GRM7: variants seen among roughly 807,000 people sequenced by gnomAD.
GRM7 encodes the protein glutamate metabotropic receptor 7.
A neutral mutation model predicts 84.5 loss-of-function variants in GRM7; 35 were observed. The ratio of observed to expected loss-of-function variants is 0.41; its 90% CI spans 0.32 to 0.55. The LOEUF (loss-of-function observed/expected upper bound fraction) is 0.55, where lower values mean the gene tolerates loss of function less well. Among genes scored for constraint, GRM7 ranks in the 20% least tolerant of loss-of-function variants. The pLI is 0.19. For missense variants in GRM7, 1,003 were observed against 1,194.6 expected (o/e 0.84, Z 2.36); for synonymous variants, 487 against 455.1 (o/e 1.07, Z -0.89).
intron 7 of GRM7, among the ~76,000 whole-genome samples, chr3:7,474,795 TTTC>T (rs57425252): frequency 0.08 from 12,097 of 152,138 alleles, 1,578 homozygotes; most frequent in African/African-American, 0.27. Flanking sequence ...ATTGGGAATG[TTTC>T]GGGAAGATTT....
chr3:7,008,907 AT>A (rs1241218309), intron 1 of GRM7, among the ~76,000 whole-genome samples: 1 of 151,902 alleles, frequency 6.6e-6, no homozygotes, highest in Non-Finnish European at 1.5e-5. Flanking sequence ...CTGTCAAACT[AT>A]TTTTTTTAAT....
rs374096666 is a variant in GRM7 at position 7,311,642 on chromosome 3, G to A, written c.1033+4990G>A. Among the ~76,000 whole-genome samples the A allele has an allele frequency of 1.7e-4, 25 of 147,120 alleles. No homozygotes were observed. The South Asian group carries it at 5.3e-3, about 31-fold the overall frequency. On this transcript the variant is annotated intron_variant, in intron 4 of 9. Coordinates refer to ENST00000357716, the MANE Select transcript of GRM7 (RefSeq NM_000844.4). ...GGAGTCTCGCTTTGTCACCCAAGCT[G>A]GAATGCAGTGGCGCAGTCTTGGCTT...
intron 2 of GRM7, among the ~76,000 whole-genome samples, chr3:7,177,363 T>C (rs1695187324): frequency 6.6e-6 from 1 of 152,226 alleles, no homozygotes; most frequent in Non-Finnish European, 1.5e-5. Context: ...TAACATGAGC[T>C]CTTTGAGGAA....
intron 9 of GRM7, among the ~76,000 whole-genome samples, chr3:7,730,592 GGAAT>G (rs1236908311): frequency 3.3e-5 from 5 of 152,298 alleles, no homozygotes; most frequent in African/African-American, 1.2e-4. Flanking sequence ...AATGTATAAA[GGAAT>G]GAATGAAGAG....
chr3:6,886,244 A>C (rs1211105110), intron 1 of GRM7, among the ~76,000 whole-genome samples: 1 of 152,108 alleles, frequency 6.6e-6, no homozygotes, highest in Non-Finnish European at 1.5e-5. Flanking sequence ...TATGGTTAAG[A>C]GTGTAGTCCC....
intron 8 of GRM7, among the ~76,000 whole-genome samples, chr3:7,634,784 ACT>A (rs947045394): frequency 1.7e-5 from 2 of 118,504 alleles, no homozygotes; most frequent in Non-Finnish European, 3.5e-5. Flanking sequence ...ACAGAGTGAG[ACT>A]CTGTCTCAAA....
intron 7 of GRM7, among the ~76,000 whole-genome samples, chr3:7,543,458 GC>G (rs1222427909): frequency 6.6e-6 from 1 of 152,200 alleles, no homozygotes; most frequent in Non-Finnish European, 1.5e-5. Context: ...TTCTGTGCCT[GC>G]TCTGAAAACC....
At chr3:7,025,881 C>A (rs1302477330) in intron 1 of GRM7, among the ~76,000 whole-genome samples, 1 of 152,128 alleles carries the variant, frequency 6.6e-6, no homozygotes, top group Non-Finnish European at 1.5e-5. Context: ...TTACAAGTAG[C>A]AGGAGTGTCT....
chr3:7,559,674 G>T (rs1052767511), intron 7 of GRM7, among the ~76,000 whole-genome samples: 1 of 152,146 alleles, frequency 6.6e-6, no homozygotes, highest in Admixed American at 6.6e-5. Context: ...TGAACACAAA[G>T]AGTTTGATTG....
At position 7,203,362 on chromosome 3, in the gene GRM7, A is replaced by G. The variant is rs1696129501; in HGVS notation, c.736+56694A>G. On this transcript the variant is annotated intron_variant, in intron 2 of 9. Transcript: ENST00000357716. ...ACTTAACATAATGACCTACAGTTTC[A>G]TCCATGTTGCTACAAATGACATGTA... is the stretch of plus-strand genomic sequence containing the variant. Among the ~76,000 whole-genome samples the G allele has an allele frequency of 1.3e-5, 2 of 152,180 alleles. 1 individual carries two copies. Among genetic ancestry groups the G allele is most frequent in the Admixed American group, 1.3e-4 (2 of 15,278 alleles).
chr3:7,201,182 G>A (rs1696058508), intron 2 of GRM7, among the ~76,000 whole-genome samples: 1 of 151,862 alleles, frequency 6.6e-6, no homozygotes, highest in African/African-American at 2.4e-5. Context: ...TGTTAGCCAG[G>A]ATGGTCTCGA....
intron 1 of GRM7, among the ~76,000 whole-genome samples, chr3:7,030,028 T>C (rs1275668299): frequency 1.3e-5 from 2 of 152,160 alleles, no homozygotes; most frequent in African/African-American, 4.8e-5. Flanking sequence ...AGCCAAATAC[T>C]GGAGACAATC....
intron 4 of GRM7, among the ~76,000 whole-genome samples, chr3:7,354,987 C>T (rs1420742609): frequency 6.6e-6 from 1 of 152,142 alleles, no homozygotes; most frequent in Non-Finnish European, 1.5e-5. Context: ...CGCAAGATAT[C>T]TCAACAGTCT....
chr3:7,098,512 C>T (rs556274338), intron 1 of GRM7, among the ~76,000 whole-genome samples: 5 of 151,942 alleles, frequency 3.3e-5, no homozygotes, highest in Non-Finnish European at 1.5e-5. Context: ...TTTTTTTCCT[C>T]ATCTGTGGAT....
At chr3:7,107,698 G>T (rs1692703286) in intron 1 of GRM7, among the ~76,000 whole-genome samples, 1 of 152,048 alleles carries the variant, frequency 6.6e-6, no homozygotes, top group Non-Finnish European at 1.5e-5. Flanking sequence ...ATTAAAAATA[G>T]ATTGGCAGGA....
intron 4 of GRM7, among the ~76,000 whole-genome samples, chr3:7,364,277 C>G (rs1693786310): frequency 6.6e-6 from 1 of 151,862 alleles, no homozygotes; most frequent in Non-Finnish European, 1.5e-5. Context: ...TCCTTTACCC[C>G]ATTAAGAATT....
chr3:7,119,435 C>T (rs377077966), intron 1 of GRM7, among the ~76,000 whole-genome samples: 1 of 152,216 alleles, frequency 6.6e-6, no homozygotes, highest in South Asian at 2.1e-4. Flanking sequence ...AGATTTCACA[C>T]ACATGACTAG....
chr3:7,576,162 T>C lies in GRM7; in HGVS notation c.1516-2260T>C, dbSNP rs1317614430. Among the ~76,000 whole-genome samples, 4 of 152,318 alleles carry C rather than the reference T, an allele frequency of 2.6e-5. No homozygotes were observed. In the East Asian group the frequency reaches 5.8e-4, roughly 22 times the overall value. ...CACTTGTATTAATACCAGCAGTTCT[T>C]TTAGGTTCCAACTCTTGAAATTTGA... is the stretch of plus-strand genomic sequence containing the variant. On this transcript the variant is annotated intron_variant, in intron 7 of 9. Transcript: ENST00000357716.
chr3:7,115,386 A>C (rs1692996793), intron 1 of GRM7, among the ~76,000 whole-genome samples: 1 of 152,034 alleles, frequency 6.6e-6, no homozygotes, highest in Non-Finnish European at 1.5e-5. Context: ...ACCTGAAAAA[A>C]TCCTAGGTGC....
Sources: allele counts gnomAD v4.1 joint callset (sites outside exome capture counted in the v4.1 genomes callset), GRCh38; gene constraint gnomAD v4.1.1; transcripts MANE v1.5; gene names NCBI Gene and HGNC (gene_info 2026-07-23, HGNC 2026-07-21).